Variants in SFMBT2 observed in about 807,000 individuals in gnomAD.
SFMBT2 encodes Scm like with four mbt domains 2.
SFMBT2 carries 38 observed loss-of-function variants against 110.1 expected under a neutral mutation model. That is an observed-to-expected ratio of 0.35 (90% CI 0.27 to 0.45). The LOEUF is 0.45. Among genes scored for constraint, SFMBT2 ranks in the 20% least tolerant of loss-of-function variants. The probability of loss-of-function intolerance (pLI) is 1.00; values close to 1 mark genes in which losing one functional copy is unlikely to be tolerated. For missense variants in SFMBT2, 1,011 were observed against 1,094.9 expected, an observed-to-expected ratio of 0.92 and a Z score of 1.08; for synonymous variants, 425 against 425.4, an observed-to-expected ratio of 1.00 and a Z score of 0.01.
At chr10:7,399,094 G>C (rs1416870259) in intron 1 of SFMBT2, among the ~76,000 whole-genome samples, 2 of 152,214 alleles carry the variant, frequency 1.3e-5, no homozygotes, top group African/African-American at 4.8e-5. Flanking sequence ...ATAACGAAGA[G>C]ATGAAGAGTC....
chr10:7,309,835 C>A (rs1043717698), intron 4 of SFMBT2, among the ~76,000 whole-genome samples: 17 of 152,016 alleles, frequency 1.1e-4, no homozygotes, highest in African/African-American at 4.1e-4. Context: ...AATGAAAAAC[C>A]AAAGACAATT....
At chr10:7,264,405 C>T (rs2131784832) in intron 7 of SFMBT2, among the ~76,000 whole-genome samples, 1 of 152,242 alleles carries the variant, frequency 6.6e-6, no homozygotes, top group East Asian at 1.9e-4. Context: ...AGAAGGACAC[C>T]AAGACACTGG....
chr10:7,313,840 C>G (rs868174311), intron 4 of SFMBT2, among the ~76,000 whole-genome samples: 1 of 152,106 alleles, frequency 6.6e-6, no homozygotes, highest in African/African-American at 2.4e-5. Context: ...TTTGGCAAGA[C>G]ACCACTTTTC....
chr10:7,171,959 G>A lies in SFMBT2; in HGVS notation c.2351C>T (p.Ala784Val), dbSNP rs1448090593. 8 of 1,480,912 alleles carry A rather than the reference G, an allele frequency of 5.4e-6. No individual in the cohort carries two copies. Among genetic ancestry groups the A allele is most frequent in the Middle Eastern group, 2.1e-4 (1 of 4,690 alleles). 91.7% of individuals were successfully genotyped at this position (1,480,912 alleles called of 1,614,324 possible). ...PPERTRRGRG[A>V]PAASSAEEGE... ...TTCCTCTGCTGAGGAGGCAGCCGGC[G>A]CCCCGCGGCCCCTTCGTGTCCTCTC... is the stretch of plus-strand genomic sequence containing the variant. Residue 784 changes from alanine (A) to valine (V), a missense_variant, in exon 19 of 21, where the codon GCG becomes GTG. Around this residue, in one of 2 missense-constraint regions of SFMBT2, gnomAD observed 979 missense variants for 1,016.1 expected, o/e 0.96. Transcript: ENST00000397167. This position sits in a 1 kb window ranked among gnomAD's most constrained non-coding sequence, Gnocchi z 4.9.
chr10:7,349,929 A>G (rs536906192), intron 4 of SFMBT2, among the ~76,000 whole-genome samples: 1 of 152,210 alleles, frequency 6.6e-6, no homozygotes, highest in African/African-American at 2.4e-5. Flanking sequence ...GGATGTCCCT[A>G]TGGGAAGCCA....
At position 7,301,758 on chromosome 10, in the gene SFMBT2, G is replaced by T. The variant is rs1463374217; in HGVS notation, c.437-15804C>A. Among the ~76,000 whole-genome samples, 5 of 152,164 alleles carry T rather than the reference G, an allele frequency of 3.3e-5. No individual in the cohort carries two copies. The highest frequency in any genetic ancestry group is 1.2e-4 in the African/African-American group (5 of 41,432). ...AGTATGAGAGCCACGCCTCTCTACA[G>T]ATGCTAGGAGTCCCCATTCCAGCCT... On this transcript the variant is annotated intron_variant, in intron 4 of 20. Transcript: ENST00000397167. The surrounding 1 kb of genome is among the most constrained non-coding windows in gnomAD (Gnocchi z 4.2).
chr10:7,255,535 T>A (rs969219260), intron 7 of SFMBT2, among the ~76,000 whole-genome samples: 5 of 152,230 alleles, frequency 3.3e-5, no homozygotes, highest in African/African-American at 7.2e-5. Context: ...CCCATTTTTA[T>A]TTTTGCCCTA....
chr10:7,306,582 T>C (rs1247578630), intron 4 of SFMBT2, among the ~76,000 whole-genome samples: 1 of 152,090 alleles, frequency 6.6e-6, no homozygotes, highest in African/African-American at 2.4e-5. Context: ...AAGAAGCAGG[T>C]ATTCTAAGAG....
intron 4 of SFMBT2, among the ~76,000 whole-genome samples, chr10:7,364,624 T>C (rs1844831893): frequency 6.6e-6 from 1 of 152,262 alleles, no homozygotes. Context: ...GAAACCATCT[T>C]ACATCCTTTC....
intron 4 of SFMBT2, chr10:7,292,089 C>T: frequency 6.5e-6 from 1 of 153,260 alleles, no homozygotes; most frequent in East Asian, 1.9e-4. Flanking sequence ...GATATATGTA[C>T]TTTTTATTTT....
rs137894981 is a variant in SFMBT2, at chr10:7,179,612, A to G, written c.1809-3447T>C. On this transcript the variant is annotated intron_variant, in intron 16 of 20. Transcript: ENST00000397167. ...AGATTCTTAGAGTCCCTAGAAAAAT[A>G]AAATAATGAGACATAAGAACGCAGG... Among the ~76,000 whole-genome samples the G allele has an allele frequency of 5.2e-3, 791 of 152,304 alleles. 3 individuals carry two copies. The highest frequency in any genetic ancestry group is 7.2e-3 in the Non-Finnish European group (493 of 68,028).
intron 2 of SFMBT2, 92 bp from the exon 3 acceptor site, chr10:7,370,467 A>G: frequency 1.9e-6 from 2 of 1,060,330 alleles, no homozygotes; most frequent in East Asian, 4.8e-5. Flanking sequence ...CCTTCATACA[A>G]GACACAAGCT....
At position 7,258,462 on chromosome 10, in the gene SFMBT2, T is replaced by G. The variant is rs187637885; in HGVS notation, c.871-9813A>C. On this transcript the variant is annotated intron_variant, in intron 7 of 20. Coordinates refer to ENST00000397167, the MANE Select transcript of SFMBT2 (RefSeq NM_001387889.1). ...TTACACAAAAATACTGCACAGTATA[T>G]AATTTTTTCAGTTCCAACATGCCAG... 4.6e-5 allele frequency among the ~76,000 whole-genome samples: 7 copies of G among 152,338 alleles called. No homozygotes were observed. The East Asian group carries it at 1.2e-3, about 25-fold the overall frequency.
At chr10:7,404,277 A>C (rs1381292958) in intron 1 of SFMBT2, among the ~76,000 whole-genome samples, 1 of 152,226 alleles carries the variant, frequency 6.6e-6, no homozygotes, top group African/African-American at 2.4e-5. Flanking sequence ...ACTTTGTAGG[A>C]ACCTAGAGTT....
chr10:7,191,637 A>G (rs1218272070), intron 15 of SFMBT2, among the ~76,000 whole-genome samples: 1 of 152,164 alleles, frequency 6.6e-6, no homozygotes, highest in Non-Finnish European at 1.5e-5. Flanking sequence ...CTCATGGATA[A>G]CTTGTCTTAT....
intron 11 of SFMBT2, among the ~76,000 whole-genome samples, chr10:7,212,523 G>A (rs563615092): frequency 4.1e-4 from 62 of 152,250 alleles, no homozygotes; most frequent in Middle Eastern, 3.4e-3. Flanking sequence ...ACAGGCTCCC[G>A]CAGGTGGCAA....
chr10:7,315,402 G>A (rs1035996464), intron 4 of SFMBT2, among the ~76,000 whole-genome samples: 5 of 152,230 alleles, frequency 3.3e-5, no homozygotes, highest in Non-Finnish European at 7.3e-5. Flanking sequence ...CACTGCCTTT[G>A]GGGGATGATG....
At chr10:7,374,345 G>C (rs538887096) in intron 2 of SFMBT2, among the ~76,000 whole-genome samples, 5 of 152,162 alleles carry the variant, frequency 3.3e-5, no homozygotes, top group Non-Finnish European at 7.3e-5. Flanking sequence ...CCTGGGATGA[G>C]AGGCTTTAGT....
chr10:7,360,259 G>C (rs561017151), intron 4 of SFMBT2, among the ~76,000 whole-genome samples: 1 of 152,130 alleles, frequency 6.6e-6, no homozygotes, highest in African/African-American at 2.4e-5. Context: ...TTTGAGCTCA[G>C]GAATTCGAGA....
Sources: allele counts gnomAD v4.1 joint callset (sites outside exome capture counted in the v4.1 genomes callset), GRCh38; gene constraint gnomAD v4.1.1; regional missense constraint gnomAD v4.1.1; non-coding constraint Gnocchi (gnomAD v3.1); transcripts MANE v1.5; gene names NCBI Gene and HGNC (gene_info 2026-07-23, HGNC 2026-07-21).